Variants in RAPGEF3 observed in about 807,000 individuals in gnomAD.
The protein encoded by RAPGEF3 is Rap guanine nucleotide exchange factor 3, also known as 9330170P05Rik.
A neutral mutation model predicts 129.8 loss-of-function variants in RAPGEF3; 103 were observed. That is an observed-to-expected ratio of 0.79 (90% CI 0.68 to 0.93). RAPGEF3 has a LOEUF of 0.93. Ranked by LOEUF, RAPGEF3 falls within the 40% of genes least tolerant of loss-of-function variation. The probability of loss-of-function intolerance (pLI) is 0.00; values close to 1 mark genes in which losing one functional copy is unlikely to be tolerated. For synonymous variants in RAPGEF3, 436 were observed against 482.6 expected (o/e 0.90, Z 1.26); for missense variants, 1,117 against 1,207.4 (o/e 0.93, Z 1.11).
At chr12:47,743,793 G>A (rs1941284252) in intron 17 of RAPGEF3, 117 bp from the exon 18 acceptor site, 3 of 1,452,622 alleles carry the variant, frequency 2.1e-6, no homozygotes, top group Non-Finnish European at 2.8e-6. Flanking sequence ...AGCTGCAGGT[G>A]GGGAGGCCCT....
intron 16 of RAPGEF3, chr12:47,745,609 C>G (rs1043344342): frequency 2.0e-5 from 3 of 152,106 alleles, no homozygotes; most frequent in Admixed American, 6.5e-5. Context: ...ACACGGGACA[C>G]TTTCCCTGAA....
rs765918128 is a variant in RAPGEF3, at chr12:47,740,354, A to G, written c.2273T>C (p.Met758Thr). 4 of 1,614,110 alleles carry G rather than the reference A, an allele frequency of 2.5e-6. No individual in the cohort carries two copies. Among genetic ancestry groups the G allele is most frequent in the South Asian group, 2.2e-5 (2 of 91,088 alleles). The change falls in exon 22 of 28, where the codon ATG (methionine) becomes ACG (threonine). Residue 758 changes from methionine (M) to threonine (T), a missense_variant. Coordinates refer to ENST00000449771, the MANE Select transcript of RAPGEF3 (RefSeq NM_001098531.4). ...GATGGCCGAGTTGCTGAGGCCAAAC[A>G]TGACGGCAAAGAAGGAATTGAGATT... ...QKNLNSFFAV[M>T]FGLSNSAISR...
rs201750667 is a variant in RAPGEF3, at chr12:47,738,789, A to G, written c.2462-35T>C. 7 of 1,554,936 alleles carry G rather than the reference A, an allele frequency of 4.5e-6. No individual in the cohort carries two copies. In the African/African-American group the frequency reaches 5.4e-5, roughly 12 times the overall value. ...GATGGGTTTTGTTCATAGGTCCCCAAACTTCTGCCCTCCTGTAGCCCAGAA... is the reference window on the plus strand; with the variant it reads ...GATGGGTTTTGTTCATAGGTCCCCAGACTTCTGCCCTCCTGTAGCCCAGAA... On this transcript the variant is annotated intron_variant, in intron 24 of 27. Coordinates refer to ENST00000449771, the MANE Select transcript of RAPGEF3 (RefSeq NM_001098531.4).
chr12:47,748,642 C>T, intron 11 of RAPGEF3, 100 bp from the exon 12 acceptor site: 1 of 1,155,870 alleles, frequency 8.7e-7, no homozygotes, highest in South Asian at 1.3e-5. Flanking sequence ...CTCCATTAGC[C>T]AGCCCTGTCC....
In RAPGEF3 at chr12:47,752,388, G is replaced by A. The variant is rs115487571; in HGVS notation, c.220-419C>T. Among the ~76,000 whole-genome samples, 253 of 152,304 alleles carry A rather than the reference G, an allele frequency of 1.7e-3. 3 individuals are homozygous for A. The highest frequency in any genetic ancestry group is 5.8e-3 in the African/African-American group (242 of 41,568). ...CAGCTCAGGAGGCCTGGGAACATCC[G>A]CTCCTGGGCTGGGGTCACAGACCTG... On this transcript the variant is annotated intron_variant, in intron 2 of 27. Transcript: ENST00000449771.
In RAPGEF3 at chr12:47,738,037, C is replaced by T; in HGVS notation, c.2638G>A (p.Ala880Thr). ...CACCACTTACATGTGGAAATCCTCGCCACCTGGCTGTCCTCGTGGAGGTGG... is the reference window on the plus strand; with the variant it reads ...CACCACTTACATGTGGAAATCCTCGTCACCTGGCTGTCCTCGTGGAGGTGG... ...VSHLHEDSQV[A>T]RISTCSEQSL... is the part of the protein sequence containing the mutation. Residue 880 changes from alanine to threonine, a missense_variant, in exon 27 of 28, where the codon GCG becomes ACG. Physicochemically the swap from Ala to Thr is moderately conservative, Grantham distance 58. Transcript: ENST00000449771. 1.9e-6 allele frequency: 3 copies of T among 1,614,054 alleles called. 1 individual carries two copies. Among genetic ancestry groups the T allele is most frequent in the Middle Eastern group, 3.3e-4 (2 of 6,038 alleles).
rs1365298416 is a variant in RAPGEF3 at position 47,741,160 on chromosome 12, G to C, written c.1924-120C>G. On this transcript the variant is annotated intron_variant, in intron 19 of 27. Coordinates refer to ENST00000449771, the MANE Select transcript of RAPGEF3 (RefSeq NM_001098531.4). Reference sequence around the variant, plus strand: ...GTTAGGAGGAGGGTTAGGAGGGCAGGAGTGGGGAGTAGAGGGTCTCTAGGG... The same window carrying C: ...GTTAGGAGGAGGGTTAGGAGGGCAGCAGTGGGGAGTAGAGGGTCTCTAGGG... The C allele has an allele frequency of 1.3e-5, 17 of 1,266,346 alleles. No homozygotes were observed. In the East Asian group the frequency reaches 3.8e-4, roughly 28 times the overall value. The allele number at this position is 1,266,346 out of a possible 1,614,324, so 78.4% of individuals were successfully genotyped here. A position where few individuals can be genotyped will look rare whatever the true frequency, so the allele number is the denominator to read the frequency against.
Position 47,751,131 on chromosome 12 carries a change from C to A in RAPGEF3, c.588G>T (p.Glu196Asp), listed in dbSNP as rs1941715753. ...CAGCTTCGGCCAACTCCTCCTCCATCTCATGAGTTCTCACGGGCTCGGGCT... is the reference window on the plus strand; with the variant it reads ...CAGCTTCGGCCAACTCCTCCTCCATATCATGAGTTCTCACGGGCTCGGGCT... ...GPEPEPVRTH[E>D]MEEELAEAVA... is the part of the protein sequence containing the mutation. The change falls in exon 6 of 28, where the codon GAG becomes GAT. Residue 196 changes from glutamate to aspartate, a missense_variant. Glu to Asp is a conservative substitution (Grantham distance 45). Coordinates refer to ENST00000449771, the MANE Select transcript of RAPGEF3 (RefSeq NM_001098531.4). 2.5e-6 allele frequency: 4 copies of A among 1,572,788 alleles called. No homozygotes were observed. The highest frequency in any genetic ancestry group is 1.3e-5 in the African/African-American group (1 of 74,176).
rs1014217867 is a variant in RAPGEF3, at chr12:47,735,279, A to G, written c.*2288T>C. 1 of 152,242 alleles carries G rather than the reference A, an allele frequency of 6.6e-6. No individual in the cohort carries two copies. The highest frequency in any genetic ancestry group is 2.4e-5 in the African/African-American group (1 of 41,412). The allele number at this position is 152,242 out of a possible 1,614,324, so 9.4% of individuals were successfully genotyped here. On this transcript the variant is annotated 3_prime_UTR_variant, in exon 28 of 28. Coordinates refer to ENST00000449771, the MANE Select transcript of RAPGEF3 (RefSeq NM_001098531.4). ...GGCCTTCTTGCAGCTGAGACACAAA[A>G]TGGGAGCCCCTGCACACAGCCTGGG...
At chr12:47,743,015 T>C (rs998823284) in intron 18 of RAPGEF3, among the ~76,000 whole-genome samples, 1 of 152,240 alleles carries the variant, frequency 6.6e-6, no homozygotes, top group African/African-American at 2.4e-5. Flanking sequence ...GCTCATGCCC[T>C]TTGAGCTTCA....
intron 23 of RAPGEF3, 67 bp downstream of exon 23, chr12:47,740,074 G>C: frequency 6.5e-7 from 1 of 1,529,072 alleles, no homozygotes; most frequent in Non-Finnish European, 8.9e-7. Flanking sequence ...GAGTGAGGGT[G>C]TCTGGAGGGC....
intron 18 of RAPGEF3, among the ~76,000 whole-genome samples, chr12:47,742,733 G>T (rs1021204022): frequency 4.6e-5 from 7 of 152,202 alleles, no homozygotes; most frequent in African/African-American, 1.7e-4. Flanking sequence ...CATCTGACAG[G>T]TGAGGAAATG....
chr12:47,747,718 G>A lies in RAPGEF3; in HGVS notation c.1467C>T (p.Phe489=), dbSNP rs368290310. The A allele has an allele frequency of 6.2e-7, 1 of 1,610,524 alleles. No individual in the cohort carries two copies. Among genetic ancestry groups the A allele is most frequent in the African/African-American group, 1.3e-5 (1 of 74,926 alleles). The change falls in exon 14 of 28, where the codon TTC becomes TTT. Residue 489 remains phenylalanine (F), a synonymous_variant. Coordinates refer to ENST00000449771, the MANE Select transcript of RAPGEF3 (RefSeq NM_001098531.4). The stretch of plus-strand genomic sequence containing the variant: ...GTGCCTCACTCCCAGGTACCTGGAG[G>A]AAGCTGGTGGCCACAGGGTCAGTGT... ...MLHTDPVATS[F]LQKLSDLVGR...
At chr12:47,751,016 T>C (rs758754073) in intron 6 of RAPGEF3, 32 bp downstream of exon 6, 4 of 1,585,828 alleles carry the variant, frequency 2.5e-6, no homozygotes, top group East Asian at 2.3e-5. Flanking sequence ...GTGTGAGGCC[T>C]GGGGTCACGG....
In RAPGEF3 at chr12:47,743,382, C is replaced by T. The variant is rs189688298; in HGVS notation, c.1825+148G>A. On this transcript the variant is annotated intron_variant, in intron 18 of 27. Coordinates refer to ENST00000449771, the MANE Select transcript of RAPGEF3 (RefSeq NM_001098531.4). ...CTGCATGAAATGCACTTCGAACAGACGCACTCCACCTCCCATTAATGCTAG... is the reference window on the plus strand; with the variant it reads ...CTGCATGAAATGCACTTCGAACAGATGCACTCCACCTCCCATTAATGCTAG... The T allele has an allele frequency of 1.7e-3, 1,875 of 1,094,962 alleles. 2 individuals are homozygous for T. Among genetic ancestry groups the T allele is most frequent in the Admixed American group, 2.2e-3 (91 of 40,936 alleles). 67.8% of individuals were successfully genotyped at this position (1,094,962 alleles called of 1,614,324 possible).
At chr12:47,746,772 G>A (rs753588409) in intron 16 of RAPGEF3, 88 bp downstream of exon 16, 19 of 1,382,800 alleles carry the variant, frequency 1.4e-5, no homozygotes, top group South Asian at 1.2e-4. Flanking sequence ...AGCTTCCCAC[G>A]CCCACAGAGC....
At chr12:47,741,834 C>A in intron 18 of RAPGEF3, 2 of 569,794 alleles carry the variant, frequency 3.5e-6, no homozygotes, top group Non-Finnish European at 3.2e-6. Context: ...TCAGGAAGAA[C>A]CTGGGCAGGG....
chr12:47,749,311 T>A lies in RAPGEF3; in HGVS notation c.1041+79A>T. 5.3e-6 allele frequency: 3 copies of A among 565,162 alleles called. No homozygotes were observed. The highest frequency in any genetic ancestry group is 8.8e-6 in the Non-Finnish European group (3 of 341,032). 35.0% of individuals were successfully genotyped at this position (565,162 alleles called of 1,614,324 possible). On this transcript the variant is annotated intron_variant, in intron 10 of 27. Transcript: ENST00000449771. The surrounding 1 kb of genome is among the most constrained non-coding windows in gnomAD (Gnocchi z 4.5). Reference sequence around the variant, plus strand: ...CCTGCCCTGCTTCTTACAGGCCCTCTGCTCTGGTCCCTACTCCTCTCTCCA... The same window carrying A: ...CCTGCCCTGCTTCTTACAGGCCCTCAGCTCTGGTCCCTACTCCTCTCTCCA...
chr12:47,747,141 G>A (rs537865635), intron 15 of RAPGEF3, among the ~76,000 whole-genome samples: 17 of 152,194 alleles, frequency 1.1e-4, no homozygotes, highest in Admixed American at 2.6e-4. Flanking sequence ...CAGGGTTTCA[G>A]ATCAAGTGCT....
Sources: allele counts gnomAD v4.1 joint callset (sites outside exome capture counted in the v4.1 genomes callset), GRCh38; gene constraint gnomAD v4.1.1; non-coding constraint Gnocchi (gnomAD v3.1); transcripts MANE v1.5; gene names NCBI Gene and HGNC (gene_info 2026-07-23, HGNC 2026-07-21).